The following ITPR1 variants were observed in gnomAD, a reference collection of about 807,000 sequenced individuals.
ITPR1 encodes the protein inositol 1,4,5-trisphosphate-gated calcium channel ITPR1.
Under a neutral mutation model 318.4 loss-of-function variants are expected in ITPR1, and 96 were observed. That is an observed-to-expected ratio of 0.30 (90% CI 0.26 to 0.36). ITPR1 has a LOEUF of 0.36. Among genes scored for constraint, ITPR1 ranks in the 10% least tolerant of loss-of-function variants. The probability of loss-of-function intolerance (pLI) is 1.00; values close to 1 mark genes in which losing one functional copy is unlikely to be tolerated. For synonymous variants in ITPR1, 1,312 were observed against 1,289.9 expected (o/e 1.02, Z -0.37); for missense variants, 2,440 against 3,460.2 (o/e 0.71, Z 7.40).
rs143022278 is a variant in ITPR1 at position 4,628,409 on chromosome 3, CATT to C, written c.279+532_279+534del. Among the ~76,000 whole-genome samples, 755 of 152,312 alleles carry C rather than the reference CATT, an allele frequency of 5.0e-3. 6 individuals carry two copies. The highest frequency in any genetic ancestry group is 0.017 in the African/African-American group (707 of 41,556). ...TTATCTGGCATATTAAAGATGTGCT[CATT>C]CCACTGCTGACGTGCTGTGTGACCA... On this transcript the variant is annotated intron_variant, in intron 5 of 61. Coordinates refer to ENST00000649015, the MANE Select transcript of ITPR1 (RefSeq NM_001378452.1).
At chr3:4,515,388 C>T (rs1450660008) in intron 2 of ITPR1, among the ~76,000 whole-genome samples, 2 of 151,864 alleles carry the variant, frequency 1.3e-5, no homozygotes, top group South Asian at 2.1e-4. Flanking sequence ...AAGGGGAAGT[C>T]GAGTAAATTG....
chr3:4,705,165 A>G (rs912553050), intron 36 of ITPR1, among the ~76,000 whole-genome samples: 6 of 152,134 alleles, frequency 3.9e-5, no homozygotes, highest in African/African-American at 1.4e-4. Flanking sequence ...AAGACAGGAA[A>G]TCATTGTTTT....
chr3:4,677,693 T>G (rs2094212415), intron 24 of ITPR1, among the ~76,000 whole-genome samples: 1 of 152,214 alleles, frequency 6.6e-6, no homozygotes, highest in Admixed American at 6.5e-5. Flanking sequence ...CAGAGAGCGA[T>G]TGTTGGTAAC....
At chr3:4,666,557 A>C (rs1055191557) in intron 17 of ITPR1, among the ~76,000 whole-genome samples, 3 of 152,234 alleles carry the variant, frequency 2.0e-5, no homozygotes, top group Non-Finnish European at 2.9e-5. Flanking sequence ...TTGGCAGATG[A>C]TAAGTTCCTA....
chr3:4,673,258 A>G lies in ITPR1; in HGVS notation c.2327A>G (p.Tyr776Cys), dbSNP rs961418831. The G allele has an allele frequency of 6.2e-7, 1 of 1,613,954 alleles. No homozygotes were observed. Among genetic ancestry groups the G allele is most frequent in the Middle Eastern group, 1.6e-4 (1 of 6,062 alleles). The change falls in exon 21 of 62, where the codon TAT (tyrosine) becomes TGT (cysteine). Residue 776 changes from tyrosine to cysteine, a missense_variant. By Grantham distance (194) the Tyr-to-Cys change is radical. Transcript: ENST00000649015. ...LRCMSDENLP[Y>C]DLRASFCRLM... ...TGCATGTCTGACGAGAACCTGCCCT[A>G]TGACCTCAGGGCGTCCTTCTGCCGC...
chr3:4,514,782 A>G (rs1021121709), intron 2 of ITPR1, among the ~76,000 whole-genome samples: 3 of 152,234 alleles, frequency 2.0e-5, no homozygotes, highest in South Asian at 4.1e-4. Context: ...ACCCTTTAAG[A>G]TAAAGCTTTA....
At chr3:4,604,627 G>A (rs927444818) in intron 4 of ITPR1, among the ~76,000 whole-genome samples, 19 of 152,196 alleles carry the variant, frequency 1.2e-4, no homozygotes, top group African/African-American at 3.9e-4. Context: ...TCATGGACAC[G>A]CATGGGCCGT....
At chr3:4,621,780 G>T (rs531525879) in intron 4 of ITPR1, among the ~76,000 whole-genome samples, 1 of 152,128 alleles carries the variant, frequency 6.6e-6, no homozygotes, top group African/African-American at 2.4e-5. Flanking sequence ...TCCAGCTCAG[G>T]GCGTTTGCAC....
At chr3:4,773,816 G>T (rs1296033959) in intron 46 of ITPR1, among the ~76,000 whole-genome samples, 1 of 152,182 alleles carries the variant, frequency 6.6e-6, no homozygotes, top group African/African-American at 2.4e-5. Flanking sequence ...CAAATCATCT[G>T]TTCTCCCTCC....
At chr3:4,726,982 A>G (rs1575031627) in intron 41 of ITPR1, 144 bp from the exon 42 acceptor site, 3 of 661,600 alleles carry the variant, frequency 4.5e-6, no homozygotes, top group African/African-American at 1.8e-5. Flanking sequence ...TATACGGGGG[A>G]AAAACAAAAA....
At chr3:4,605,545 C>T (rs1402621808) in intron 4 of ITPR1, among the ~76,000 whole-genome samples, 2 of 152,052 alleles carry the variant, frequency 1.3e-5, no homozygotes, top group African/African-American at 2.4e-5. Context: ...CACTGAAATA[C>T]GGGCATGATA....
chr3:4,827,480 A>G (rs757078707), intron 60 of ITPR1, among the ~76,000 whole-genome samples: 8 of 152,190 alleles, frequency 5.3e-5, no homozygotes, highest in Non-Finnish European at 1.2e-4. Context: ...GCCTACTGTC[A>G]TGTCTCTAGG....
At chr3:4,543,051 T>G (rs2084618616) in intron 4 of ITPR1, among the ~76,000 whole-genome samples, 1 of 152,176 alleles carries the variant, frequency 6.6e-6, no homozygotes, top group African/African-American at 2.4e-5. Flanking sequence ...TACCCATAGC[T>G]CTTAAAATGT....
chr3:4,573,452 T>G (rs891588279), intron 4 of ITPR1, among the ~76,000 whole-genome samples: 7 of 152,340 alleles, frequency 4.6e-5, no homozygotes, highest in African/African-American at 9.6e-5. Context: ...CCCCCTACAG[T>G]CTGATCTCCA....
rs193212750 is a variant in ITPR1, at chr3:4,691,260, T to C, written c.3945T>C (p.Asn1315=). Residue 1315 remains asparagine (N), a synonymous_variant, in exon 32 of 62, where the codon AAT becomes AAC. Coordinates refer to ENST00000649015, the MANE Select transcript of ITPR1 (RefSeq NM_001378452.1). ...ACTGCATAGAGACTCACGGTCGGAATGTCCAGTATATAAAGTTCTTACAGA... is the reference window on the plus strand; with the variant it reads ...ACTGCATAGAGACTCACGGTCGGAACGTCCAGTATATAAAGTTCTTACAGA... ...FVHCIETHGR[N]VQYIKFLQTI... The C allele has an allele frequency of 2.4e-4, 395 of 1,613,354 alleles. 4 individuals are homozygous for C. In the Middle Eastern group the frequency reaches 2.6e-3, roughly 11 times the overall value.
chr3:4,835,753 C>G (rs753751691), intron 60 of ITPR1, among the ~76,000 whole-genome samples: 1 of 152,128 alleles, frequency 6.6e-6, no homozygotes, highest in Non-Finnish European at 1.5e-5. Flanking sequence ...CTTATGTATG[C>G]GGCATGCTCT....
chr3:4,845,105 C>A (rs1465544254), intron 61 of ITPR1, among the ~76,000 whole-genome samples: 1 of 152,214 alleles, frequency 6.6e-6, no homozygotes, highest in East Asian at 1.9e-4. Flanking sequence ...GATGAGAAAA[C>A]AGACTTTGAT....
intron 4 of ITPR1, among the ~76,000 whole-genome samples, chr3:4,523,529 T>C (rs1488509496): frequency 6.6e-6 from 1 of 152,190 alleles, no homozygotes; most frequent in Non-Finnish European, 1.5e-5. Flanking sequence ...AGTAGATCTC[T>C]GGAACTTATT....
chr3:4,800,456 G>T lies in ITPR1; in HGVS notation c.6963G>T (p.Leu2321=). 1 of 1,614,026 alleles carries T rather than the reference G, an allele frequency of 6.2e-7. No homozygotes were observed. The highest frequency in any genetic ancestry group is 1.7e-5 in the Admixed American group (1 of 60,018). Residue 2321 remains leucine, a synonymous_variant, in exon 54 of 62, where the codon CTG becomes CTT. Coordinates refer to ENST00000649015, the MANE Select transcript of ITPR1 (RefSeq NM_001378452.1). ...TGGAGCCCCACTGGTCGGGACTCCT[G>T]TGGACAGCCATGCTCATCTCTCTGG... ...GTLEPHWSGL[L]WTAMLISLAI...
Sources: allele counts gnomAD v4.1 joint callset (sites outside exome capture counted in the v4.1 genomes callset), GRCh38; gene constraint gnomAD v4.1.1; transcripts MANE v1.5; gene names NCBI Gene and HGNC (gene_info 2026-07-23, HGNC 2026-07-21).